CMSS1: variants seen among roughly 807,000 people sequenced by gnomAD.
CMSS1 encodes the protein protein CMSS1.
CMSS1 carries 33 observed loss-of-function variants against 43.5 expected under a neutral mutation model. The observed-to-expected ratio is 0.76, with a 90% confidence interval of 0.57 to 1.01. The LOEUF (loss-of-function observed/expected upper bound fraction) is 1.01, where lower values mean the gene tolerates loss of function less well. Among genes scored for constraint, CMSS1 ranks in the 50% least tolerant of loss-of-function variants. The pLI is 0.00. For synonymous variants in CMSS1, 115 were observed against 117.2 expected, an observed-to-expected ratio of 0.98 and a Z score of 0.12; for missense variants, 313 against 326.4, an observed-to-expected ratio of 0.96 and a Z score of 0.32.
At chr3:99,919,649 T>C (rs929933506) in intron 1 of CMSS1, among the ~76,000 whole-genome samples, 8 of 152,040 alleles carry the variant, frequency 5.3e-5, no homozygotes, top group African/African-American at 1.9e-4. Context: ...TCTGATTTAC[T>C]CAGTTAACAG....
chr3:100,074,523 A>G (rs984881191), intron 1 of CMSS1, among the ~76,000 whole-genome samples: 1 of 152,072 alleles, frequency 6.6e-6, no homozygotes, highest in African/African-American at 2.4e-5. Flanking sequence ...AATTTATTCT[A>G]TAGCCAGTAT....
intron 1 of CMSS1, among the ~76,000 whole-genome samples, chr3:99,929,356 T>A (rs1309844928): frequency 1.3e-5 from 2 of 152,246 alleles, no homozygotes; most frequent in Admixed American, 6.5e-5. Context: ...CTAAAATATA[T>A]GTTTTTAAAA....
At position 99,953,701 on chromosome 3, in the gene CMSS1, G is replaced by C. The variant is rs546042192; in HGVS notation, c.64+135658G>C. Among the ~76,000 whole-genome samples the C allele has an allele frequency of 3.3e-5, 5 of 152,268 alleles. No individual in the cohort carries two copies. In the South Asian group the frequency reaches 1.0e-3, roughly 32 times the overall value. On this transcript the variant is annotated intron_variant, in intron 1 of 9. Transcript: ENST00000421999. ...CACTGATTACTTGTCATTTCTACTG[G>C]AATGTGCTTTTCATAGATAATGAAA...
In CMSS1 at chr3:99,930,853, T is replaced by C. The variant is rs769453595; in HGVS notation, c.64+112810T>C. 3 of 1,613,002 alleles carry C rather than the reference T, an allele frequency of 1.9e-6. No homozygotes were observed. In the East Asian group the frequency reaches 6.7e-5, roughly 36 times the overall value. ...CTGCTTGGTGGCCATTACCACTGTGTGGCTTCTCTGCCTTGGGACACGGAA... is the reference window on the plus strand; with the variant it reads ...CTGCTTGGTGGCCATTACCACTGTGCGGCTTCTCTGCCTTGGGACACGGAA... On this transcript the variant is annotated intron_variant, in intron 1 of 9. Coordinates refer to ENST00000421999, the MANE Select transcript of CMSS1 (RefSeq NM_032359.4).
intron 1 of CMSS1, among the ~76,000 whole-genome samples, chr3:99,873,241 ACAAT>A (rs1340728753): frequency 2.6e-5 from 4 of 152,250 alleles, no homozygotes; most frequent in East Asian, 1.9e-4. Context: ...CAAAAACTAA[ACAAT>A]CAGTTTAAAT....
chr3:100,000,061 AT>A (rs1222622301), intron 1 of CMSS1, among the ~76,000 whole-genome samples: 1 of 152,104 alleles, frequency 6.6e-6, no homozygotes, highest in Non-Finnish European at 1.5e-5. Context: ...AGGCATCTCT[AT>A]TTTTTGAAAG....
chr3:99,935,592 T>C (rs1343850633), intron 1 of CMSS1, among the ~76,000 whole-genome samples: 4 of 152,154 alleles, frequency 2.6e-5, no homozygotes, highest in Non-Finnish European at 5.9e-5. Flanking sequence ...GGACCAAGGA[T>C]TGTTTCCTTT....
chr3:100,075,939 T>A (rs2065843552), intron 1 of CMSS1, among the ~76,000 whole-genome samples: 1 of 152,202 alleles, frequency 6.6e-6, no homozygotes, highest in Non-Finnish European at 1.5e-5. Context: ...AAATCTTCAT[T>A]TCTGATAAGC....
intron 1 of CMSS1, among the ~76,000 whole-genome samples, chr3:99,890,504 T>C (rs1706050406): frequency 6.6e-6 from 1 of 152,016 alleles, no homozygotes; most frequent in African/African-American, 2.4e-5. Context: ...CATGTTAGAC[T>C]TTCTTTATCT....
intron 1 of CMSS1, among the ~76,000 whole-genome samples, chr3:99,975,955 G>T (rs1402686769): frequency 4.6e-5 from 7 of 152,162 alleles, no homozygotes; most frequent in Admixed American, 2.0e-4. Flanking sequence ...CACCATCTTG[G>T]CTCACTGCAA....
intron 1 of CMSS1, among the ~76,000 whole-genome samples, chr3:100,101,909 T>C (rs924011345): frequency 2.0e-5 from 3 of 152,124 alleles, no homozygotes. Context: ...CTGAGAATGA[T>C]GGTTTCCAGC....
At chr3:100,064,374 G>A (rs2065625562) in intron 1 of CMSS1, among the ~76,000 whole-genome samples, 1 of 150,746 alleles carries the variant, frequency 6.6e-6, no homozygotes, top group Non-Finnish European at 1.5e-5. Flanking sequence ...TCTTTTTCCA[G>A]CTAATCCTGA....
At chr3:99,981,475 C>T (rs1441775858) in intron 1 of CMSS1, among the ~76,000 whole-genome samples, 1 of 152,140 alleles carries the variant, frequency 6.6e-6, no homozygotes, top group Non-Finnish European at 1.5e-5. Flanking sequence ...TCCTAGCACT[C>T]ACAATGATAC....
At chr3:100,055,550 T>C (rs901400676) in intron 1 of CMSS1, among the ~76,000 whole-genome samples, 8 of 152,346 alleles carry the variant, frequency 5.3e-5, no homozygotes, top group Middle Eastern at 3.4e-3. Context: ...CCTGTGTTCA[T>C]TGAATGTGGA....
At chr3:100,036,536 T>A (rs896965545) in intron 1 of CMSS1, among the ~76,000 whole-genome samples, 4 of 152,202 alleles carry the variant, frequency 2.6e-5, no homozygotes, top group African/African-American at 9.6e-5. Context: ...AGATACTACA[T>A]GTGTAAGAAA....
intron 1 of CMSS1, among the ~76,000 whole-genome samples, chr3:100,050,760 C>A (rs992131913): frequency 6.6e-6 from 1 of 152,124 alleles, no homozygotes; most frequent in Admixed American, 6.5e-5. Flanking sequence ...GAACTCCTGA[C>A]CTCAGGTGAT....
chr3:99,849,129 G>A, intron 1 of CMSS1: 1 of 1,614,134 alleles, frequency 6.2e-7, no homozygotes, highest in Non-Finnish European at 8.5e-7. Flanking sequence ...TAGACTGGCT[G>A]CATTTGAAGG....
rs570126366 is a variant in CMSS1, at chr3:100,073,458, G to A, written c.65-73515G>A. Among the ~76,000 whole-genome samples the A allele has an allele frequency of 4.6e-5, 7 of 152,248 alleles. No homozygotes were observed. The East Asian group carries it at 1.3e-3, about 29-fold the overall frequency. Reference sequence around the variant, plus strand: ...AGTAAATGTTGTCTGCAGCTTCCTCGAAAAGACTGGGGTAGAGGAGATTGC... The same window carrying A: ...AGTAAATGTTGTCTGCAGCTTCCTCAAAAAGACTGGGGTAGAGGAGATTGC... On this transcript the variant is annotated intron_variant, in intron 1 of 9. Transcript: ENST00000421999.
chr3:100,165,618 C>T (rs904070076), intron 4 of CMSS1, among the ~76,000 whole-genome samples: 2 of 152,178 alleles, frequency 1.3e-5, no homozygotes, highest in South Asian at 2.1e-4. Flanking sequence ...AATATTCCAG[C>T]GTTTCCATCT....
Sources: gnomAD v4.1 joint callset for allele counts (sites outside exome capture counted in the v4.1 genomes callset) on GRCh38, gnomAD v4.1.1 for gene constraint, MANE v1.5 for transcripts, NCBI Gene and HGNC (gene_info 2026-07-23, HGNC 2026-07-21) for gene names.